The following C4orf54 variants were observed in gnomAD, a reference collection of about 807,000 sequenced individuals.
The protein encoded by C4orf54 is chromosome 4 open reading frame 54, also known as uncharacterized protein C4orf54.
C4orf54 carries 67 observed loss-of-function variants against 80.1 expected under a neutral mutation model. That is an observed-to-expected ratio of 0.84 (90% confidence interval 0.69 to 1.03). C4orf54 has a LOEUF of 1.03. Ranked by LOEUF, C4orf54 falls within the 50% of genes least tolerant of loss-of-function variation. The pLI is 0.00. For synonymous variants in C4orf54, 1,000 were observed against 917.0 expected (o/e 1.09, Z -1.64); for missense variants, 2,434 against 2,253.5 (o/e 1.08, Z -1.62).
chr4:99,649,365 G>T lies in C4orf54; in HGVS notation c.5284C>A (p.Pro1762Thr). The change falls in exon 2 of 3, where the codon CCT becomes ACT. Residue 1762 changes from proline (P) to threonine (T), a missense_variant. Transcript: ENST00000511828. ...AKAFAQLHGK[P>T]VISITSQPLG... ...GGCTGCGAAGTAATGCTGATGACAGGCTTGCCATGCAGCTGGGCAAAGGCC... is the reference window on the plus strand; with the variant it reads ...GGCTGCGAAGTAATGCTGATGACAGTCTTGCCATGCAGCTGGGCAAAGGCC... The T allele has an allele frequency of 6.5e-7, 1 of 1,536,124 alleles. No homozygotes were observed. The highest frequency in any genetic ancestry group is 8.7e-7 in the Non-Finnish European group (1 of 1,146,912).
chr4:99,643,792 A>ACACACCCCC (rs61130907), intron 2 of C4orf54, among the ~76,000 whole-genome samples: 37 of 98,872 alleles, frequency 3.7e-4, no homozygotes, highest in Admixed American at 2.3e-3. Context: ...ACACACACAC[A>ACACACCCCC]CCCCCTCCGC....
chr4:99,650,779 C>A lies in C4orf54; in HGVS notation c.3870G>T (p.Val1290=). 2 of 1,536,202 alleles carry A rather than the reference C, an allele frequency of 1.3e-6. No homozygotes were observed. The highest frequency in any genetic ancestry group is 8.7e-7 in the Non-Finnish European group (1 of 1,146,922). ...DPLPMMMDSH[V]LSLIASEERE... ...TCTCCTCACTGGCAATGAGCGACAG[C>A]ACGTGGCTGTCCATCATCATAGGCA... is the stretch of plus-strand genomic sequence containing the variant. The change falls in exon 2 of 3, where the codon GTG becomes GTT. Residue 1290 remains valine (V), a synonymous_variant. Coordinates refer to ENST00000511828, the MANE Select transcript of C4orf54 (RefSeq NM_001354435.2).
Position 99,651,842 on chromosome 4 carries a change from A to G in C4orf54, c.2807T>C (p.Phe936Ser), listed in dbSNP as rs1431378447. ...GAACGCACTGTTCTGACTACGGAGGAAGATGCCCTTGACGGTCTCTGAGGC... is the reference window on the plus strand; with the variant it reads ...GAACGCACTGTTCTGACTACGGAGGGAGATGCCCTTGACGGTCTCTGAGGC... The part of the protein sequence containing the change: ...KSASETVKGI[F>S]LRSQNSAFRS... The change falls in exon 2 of 3, where the codon TTC becomes TCC. Residue 936 changes from phenylalanine (F) to serine (S), a missense_variant. Phe to Ser is a radical substitution (Grantham distance 155). Transcript: ENST00000511828. 11 of 1,535,962 alleles carry G rather than the reference A, an allele frequency of 7.2e-6. No individual in the cohort carries two copies. The highest frequency in any genetic ancestry group is 9.6e-6 in the Non-Finnish European group (11 of 1,146,882).
chr4:99,651,115 G>A lies in C4orf54; in HGVS notation c.3534C>T (p.Gly1178=). The A allele has an allele frequency of 6.5e-7, 1 of 1,536,068 alleles. No homozygotes were observed. The highest frequency in any genetic ancestry group is 8.7e-7 in the Non-Finnish European group (1 of 1,146,888). ...AGGAAGAATTCAAGACTCTGCTGCCGCCCCCTTTGCCCATGCTTTCCCTGG... is the reference window on the plus strand; with the variant it reads ...AGGAAGAATTCAAGACTCTGCTGCCACCCCCTTTGCCCATGCTTTCCCTGG... ...REPRESMGKG[G]GSRVLNSSSP... is the part of the protein sequence containing the mutation. Residue 1178 remains glycine (G), a synonymous_variant, in exon 2 of 3, where the codon GGC becomes GGT. Coordinates refer to ENST00000511828, the MANE Select transcript of C4orf54 (RefSeq NM_001354435.2).
In C4orf54 at chr4:99,651,550, C is replaced by T. The variant is rs752030875; in HGVS notation, c.3099G>A (p.Leu1033=). 2.0e-6 allele frequency: 3 copies of T among 1,536,158 alleles called. No homozygotes were observed. In the South Asian group the frequency reaches 3.6e-5, roughly 18 times the overall value. The change falls in exon 2 of 3, where the codon CTG becomes CTA. Residue 1033 remains leucine, a synonymous_variant. Coordinates refer to ENST00000511828, the MANE Select transcript of C4orf54 (RefSeq NM_001354435.2). ...CTGAGCTCGGCTGCTGCACACTCCC[C>T]AGCCGGATCTTGATTTCGGGAGCCT... ...RPKAPEIKIR[L]GSVQQPSSDF...
rs1022732860 is a variant in C4orf54 at position 99,649,952 on chromosome 4, G to C, written c.4697C>G (p.Pro1566Arg). The C allele has an allele frequency of 7.2e-6, 11 of 1,533,806 alleles. No homozygotes were observed. Among genetic ancestry groups the C allele is most frequent in the Non-Finnish European group, 9.6e-6 (11 of 1,145,248 alleles). ...AGGCTGGGCCCCCTGTAGGGTGAAGGGCAGCGGCGGCTGGTGGTAGATGGT... is the reference window on the plus strand; with the variant it reads ...AGGCTGGGCCCCCTGTAGGGTGAAGCGCAGCGGCGGCTGGTGGTAGATGGT... ...PTTIYHQPPL[P>R]FTLQGAQPQV... Residue 1566 changes from proline (P) to arginine (R), a missense_variant, in exon 2 of 3, where the codon CCC (proline) becomes CGC (arginine). Pro to Arg is a moderately radical substitution (Grantham distance 103). Transcript: ENST00000511828.
chr4:99,652,111 C>T lies in C4orf54; in HGVS notation c.2538G>A (p.Lys846=). 6.5e-7 allele frequency: 1 copy of T among 1,536,094 alleles called. No homozygotes were observed. Among genetic ancestry groups the T allele is most frequent in the African/African-American group, 1.4e-5 (1 of 73,184 alleles). ...CGCTCCCGCGGGCGCCCTCCGTCTCCTTGGAGGTGCCTGAGAGGTGGTGGG... is the reference window on the plus strand; with the variant it reads ...CGCTCCCGCGGGCGCCCTCCGTCTCTTTGGAGGTGCCTGAGAGGTGGTGGG... The part of the protein sequence containing the change: ...DTSHHLSGTS[K]ETEGARGSER... The change falls in exon 2 of 3, where the codon AAG becomes AAA. Residue 846 remains lysine (K), a synonymous_variant. Coordinates refer to ENST00000511828, the MANE Select transcript of C4orf54 (RefSeq NM_001354435.2).
chr4:99,650,030 C>G lies in C4orf54; in HGVS notation c.4619G>C (p.Arg1540Pro). 2.0e-6 allele frequency: 3 copies of G among 1,535,362 alleles called. No homozygotes were observed. Among genetic ancestry groups the G allele is most frequent in the Non-Finnish European group, 2.6e-6 (3 of 1,146,688 alleles). ...CCCTGGGGGGGCAGCTACTGTCTCC[C>G]GGGGGTTGTCAGGTTTGGTACGCCA... ...PAWRTKPDNP[R>P]ETVAAPPGPQ... Residue 1540 changes from arginine (R) to proline (P), a missense_variant, in exon 2 of 3, where the codon CGG becomes CCG. Arg to Pro is a moderately radical substitution (Grantham distance 103). Transcript: ENST00000511828.
chr4:99,640,248 A>T lies in C4orf54; in HGVS notation c.*985T>A, dbSNP rs1367537579. On this transcript the variant is annotated 3_prime_UTR_variant, in exon 3 of 3. Transcript: ENST00000511828. Reference sequence around the variant, plus strand: ...CATAAGGAGCAAGTGCTGTAACTCTAGGTTACTGTTATTGGGATAGCGAGG... The same window carrying T: ...CATAAGGAGCAAGTGCTGTAACTCTTGGTTACTGTTATTGGGATAGCGAGG... The T allele has an allele frequency of 1.3e-5, 2 of 152,146 alleles. No homozygotes were observed. The highest frequency in any genetic ancestry group is 2.9e-5 in the Non-Finnish European group (2 of 67,988). 9.4% of individuals were successfully genotyped at this position (152,146 alleles called of 1,614,324 possible).
At chr4:99,645,602 T>C (rs1726688924) in intron 2 of C4orf54, among the ~76,000 whole-genome samples, 1 of 151,868 alleles carries the variant, frequency 6.6e-6, no homozygotes, top group Non-Finnish European at 1.5e-5. Flanking sequence ...AAATACAGCA[T>C]CTAAGTGGAT....
In C4orf54 at chr4:99,650,518, C is replaced by T; in HGVS notation, c.4131G>A (p.Lys1377=). 1 of 1,536,102 alleles carries T rather than the reference C, an allele frequency of 6.5e-7. No homozygotes were observed. Among genetic ancestry groups the T allele is most frequent in the South Asian group, 1.2e-5 (1 of 84,064 alleles). The change falls in exon 2 of 3, where the codon AAG becomes AAA. Residue 1377 remains lysine, a synonymous_variant. Transcript: ENST00000511828. The part of the protein sequence containing the change: ...PRSLYIPPVH[K]DVERTQPLQP... The stretch of plus-strand genomic sequence containing the variant: ...GCAGGGGTTGGGTTCTCTCTACATC[C>T]TTGTGGACTGGGGGAATATAGAGAG...
At chr4:99,643,794 C>CACACACACACACACACACA (rs1560634918) in intron 2 of C4orf54, among the ~76,000 whole-genome samples, 6 of 65,228 alleles carry the variant, frequency 9.2e-5, no homozygotes, top group African/African-American at 1.4e-4. Context: ...ACACACACAC[C>CACACACACACACACACACA]CCCTCCGCGG....
Position 99,652,479 on chromosome 4 carries a change from C to T in C4orf54, c.2170G>A (p.Val724Ile), listed in dbSNP as rs1332360724. 3.3e-6 allele frequency: 5 copies of T among 1,535,872 alleles called. No homozygotes were observed. The highest frequency in any genetic ancestry group is 1.2e-5 in the South Asian group (1 of 84,056). ...TCCACATGTTTGATTTCCCCCTCGA[C>T]TTTGCTGACCACGAACTCCAAGGCC... ...TKALEFVVSK[V>I]EGEIKHVETP... Residue 724 changes from valine to isoleucine, a missense_variant, in exon 2 of 3, where the codon GTC (valine) becomes ATC (isoleucine). Physicochemically the swap from Val to Ile is conservative, Grantham distance 29. Coordinates refer to ENST00000511828, the MANE Select transcript of C4orf54 (RefSeq NM_001354435.2).
At position 99,653,472 on chromosome 4, in the gene C4orf54, C is replaced by A; in HGVS notation, c.1177G>T (p.Asp393Tyr). The A allele has an allele frequency of 6.5e-7, 1 of 1,536,094 alleles. No homozygotes were observed. The highest frequency in any genetic ancestry group is 8.7e-7 in the Non-Finnish European group (1 of 1,146,906). ...TAGATCACGTTGTTGTCCTCGAAAT[C>A]CCAGCGGGAGGCCAGTCCCACGTCG... ...DFDVGLASRW[D>Y]FEDNNVIYSF... The change falls in exon 2 of 3, where the codon GAT becomes TAT. Residue 393 changes from aspartate to tyrosine, a missense_variant. By Grantham distance (160) the Asp-to-Tyr change is radical (BLOSUM62 -3). Coordinates refer to ENST00000511828, the MANE Select transcript of C4orf54 (RefSeq NM_001354435.2).
intron 1 of C4orf54, among the ~76,000 whole-genome samples, chr4:99,656,132 G>A (rs2058685801): frequency 6.6e-6 from 1 of 151,892 alleles, no homozygotes; most frequent in African/African-American, 2.4e-5. Context: ...TAGACATAAA[G>A]CCAGAGATCT....
Position 99,654,403 on chromosome 4 carries a change from C to T in C4orf54, c.246G>A (p.Gln82=), listed in dbSNP as rs990295268. ...TSLRLAAAPP[Q]GLKNWEVVAA... ...CCACCACCTCCCAGTTCTTCAGCCC[C>T]TGTGGCGGGGCCGCAGCAAGCCTGA... Residue 82 remains glutamine (Q), a synonymous_variant, in exon 2 of 3, where the codon CAG becomes CAA. Transcript: ENST00000511828. The T allele has an allele frequency of 1.2e-6, 1 of 868,954 alleles. No homozygotes were observed. Among genetic ancestry groups the T allele is most frequent in the East Asian group, 2.6e-5 (1 of 37,914 alleles). The allele number at this position is 868,954 out of a possible 1,614,324, so 53.8% of individuals were successfully genotyped here. A position where few individuals can be genotyped will look rare whatever the true frequency, so the allele number is the denominator to read the frequency against.
Position 99,653,961 on chromosome 4 carries a change from C to T in C4orf54, c.688G>A (p.Glu230Lys). ...CTGCTGGGTTCATCTTGGGCTTTCT[C>T]CTTTGGGCTCCTAGAGGCCCTCTGA... ...GGQRASRSPK[E>K]KAQDEPSSKT... Residue 230 changes from glutamate to lysine, a missense_variant, in exon 2 of 3, where the codon GAG becomes AAG. Transcript: ENST00000511828. The T allele has an allele frequency of 1.3e-6, 2 of 1,536,180 alleles. No individual in the cohort carries two copies. Among genetic ancestry groups the T allele is most frequent in the Middle Eastern group, 3.3e-4 (2 of 5,990 alleles).
rs772299627 is a variant in C4orf54, at chr4:99,649,298, G to C, written c.5351C>G (p.Thr1784Ser). The change falls in exon 2 of 3, where the codon ACC becomes AGC. Residue 1784 changes from threonine to serine, a missense_variant. Physicochemically the swap from Thr to Ser is moderately conservative, Grantham distance 58 (BLOSUM62 1). Coordinates refer to ENST00000511828, the MANE Select transcript of C4orf54 (RefSeq NM_001354435.2). ...GTGTTCTACCACAAAGCTCATGGTG[G>C]TGCCATCAAAGGAAGGGGGAGCAAT... ...RIIAPPSFDG[T>S]TMSFVVEHR 3.6e-4 allele frequency: 548 copies of C among 1,532,982 alleles called. 1 individual carries two copies. Among genetic ancestry groups the C allele is most frequent in the Admixed American group, 1.1e-3 (55 of 50,874 alleles). The allele number at this position is 1,532,982 out of a possible 1,614,324, so 95.0% of individuals were successfully genotyped here. A position where few individuals can be genotyped will look rare whatever the true frequency, so the allele number is the denominator to read the frequency against.
chr4:99,638,835 A>T lies in C4orf54; in HGVS notation c.*2398T>A, dbSNP rs1726554323. On this transcript the variant is annotated 3_prime_UTR_variant, in exon 3 of 3. Transcript: ENST00000511828. ...TGGTGAAATAGAGAACCATAAAATT[A>T]TCGATAGATGACATGATATTAATAG... is the stretch of plus-strand genomic sequence containing the variant. 6.6e-6 allele frequency: 1 copy of T among 152,174 alleles called. No individual in the cohort carries two copies. The highest frequency in any genetic ancestry group is 2.4e-5 in the African/African-American group (1 of 41,464). 9.4% of individuals were successfully genotyped at this position (152,174 alleles called of 1,614,324 possible).
Sources: allele counts gnomAD v4.1 joint callset (sites outside exome capture counted in the v4.1 genomes callset), GRCh38; gene constraint gnomAD v4.1.1; transcripts MANE v1.5; gene names NCBI Gene and HGNC (gene_info 2026-07-23, HGNC 2026-07-21).